The following DCLRE1A variants were observed in gnomAD, a reference collection of about 807,000 sequenced individuals.
DCLRE1A encodes DNA cross-link repair 1A protein.
DCLRE1A carries 64 observed loss-of-function variants against 91.9 expected under a neutral mutation model. That is an observed-to-expected ratio of 0.70 (90% CI 0.57 to 0.86). DCLRE1A has a LOEUF of 0.86. Among genes scored for constraint, DCLRE1A ranks in the 40% least tolerant of loss-of-function variants. The pLI is 0.00. For synonymous variants in DCLRE1A, 416 were observed against 431.1 expected (o/e 0.96, Z 0.43); for missense variants, 1,145 against 1,213.3 (o/e 0.94, Z 0.84).
In DCLRE1A at chr10:113,835,170, T is replaced by C. The variant is rs1845343194; in HGVS notation, c.3105A>G (p.Lys1035=). ...STMEKYFREW[K]LEAGY Reference sequence around the variant, plus strand: ...GGTATCATCAATATCCAGCTTCCAATTTCCACTCTCTAAAATATTTCTCCA... The same window carrying C: ...GGTATCATCAATATCCAGCTTCCAACTTCCACTCTCTAAAATATTTCTCCA... Residue 1035 remains lysine (K), a synonymous_variant, in exon 9 of 9, where the codon AAA becomes AAG. Coordinates refer to ENST00000361384, the MANE Select transcript of DCLRE1A (RefSeq NM_014881.5). 1 of 1,613,740 alleles carries C rather than the reference T, an allele frequency of 6.2e-7. No individual in the cohort carries two copies.
Position 113,844,201 on chromosome 10 carries a change from T to C in DCLRE1A, c.2422A>G (p.Thr808Ala), listed in dbSNP as rs2134657515. 6.2e-7 allele frequency: 1 copy of C among 1,614,136 alleles called. No homozygotes were observed. Among genetic ancestry groups the C allele is most frequent in the East Asian group, 2.2e-5 (1 of 44,874 alleles). The change falls in exon 5 of 9, where the codon ACT (threonine) becomes GCT (alanine). Residue 808 changes from threonine to alanine, a missense_variant. Thr to Ala is a moderately conservative substitution (Grantham distance 58, BLOSUM62 0). Transcript: ENST00000361384. ...AAGTCTCCCGTGTGTAATATGACAG[T>C]ACCATTAGGAAGATAAAAGAGGATC... ...VMILFYLPNG[T>A]VILHTGDFRA...
intron 6 of DCLRE1A, 143 bp downstream of exon 6, chr10:113,842,200 A>T: frequency 1.5e-6 from 1 of 674,588 alleles, no homozygotes; most frequent in East Asian, 3.0e-5. Flanking sequence ...AAACTGTCAA[A>T]TTTTCCTTCA....
chr10:113,849,584 T>C lies in DCLRE1A; in HGVS notation c.1521A>G (p.Arg507=). 1 of 1,614,032 alleles carries C rather than the reference T, an allele frequency of 6.2e-7. No individual in the cohort carries two copies. The change falls in exon 2 of 9, where the codon AGA becomes AGG. Residue 507 remains arginine, a synonymous_variant. Coordinates refer to ENST00000361384, the MANE Select transcript of DCLRE1A (RefSeq NM_014881.5). ...KNNTNSACFC[R]KALEGVPVGK... ...CAACTGGCACACCCTCTAATGCCTTTCTGCAGAAACATGCTGAGTTAGTAT... is the reference window on the plus strand; with the variant it reads ...CAACTGGCACACCCTCTAATGCCTTCCTGCAGAAACATGCTGAGTTAGTAT...
intron 7 of DCLRE1A, 75 bp downstream of exon 7, chr10:113,841,331 T>C: frequency 2.0e-6 from 3 of 1,527,976 alleles, no homozygotes; most frequent in Non-Finnish European, 2.7e-6. Flanking sequence ...TGAATTCCTC[T>C]AAGTTAAATG....
Position 113,850,287 on chromosome 10 carries a change from A to C in DCLRE1A, c.818T>G (p.Val273Gly). 1 of 1,614,014 alleles carries C rather than the reference A, an allele frequency of 6.2e-7. No individual in the cohort carries two copies. The highest frequency in any genetic ancestry group is 8.5e-7 in the Non-Finnish European group (1 of 1,180,004). Residue 273 changes from valine (V) to glycine (G), a missense_variant, in exon 2 of 9, where the codon GTT becomes GGT. Transcript: ENST00000361384. Reference protein sequence around the residue: ...DFVENDKLVGVALRLANNSEH... With the variant: ...DFVENDKLVGGALRLANNSEH... Reference sequence around the variant, plus strand: ...TGAGTTGTTTGCAAGACGCAAAGCAACTCCCACTAGTTTGTCATTCTCAAC... The same window carrying C: ...TGAGTTGTTTGCAAGACGCAAAGCACCTCCCACTAGTTTGTCATTCTCAAC...
rs1845495027 is a variant in DCLRE1A, at chr10:113,844,257, G to A, written c.2379-13C>T. 6.2e-7 allele frequency: 1 copy of A among 1,613,218 alleles called. No individual in the cohort carries two copies. Among genetic ancestry groups the A allele is most frequent in the South Asian group, 1.1e-5 (1 of 90,922 alleles). ...AGCACCTGGACAGCTGAACACAAAT[G>A]TCAAAGGAATGTTCATAACACAGGC... On this transcript the variant is annotated splice_polypyrimidine_tract_variant and intron_variant, in intron 4 of 8. Transcript: ENST00000361384.
chr10:113,852,805 C>T lies in DCLRE1A; in HGVS notation c.378G>A (p.Gln126=). ...PVYDGYCPNC[Q]MPFSSLIGQT... is the part of the protein sequence containing the mutation. ...GCCCTATCAATGAGGAAAAAGGCATCTGGCAATTTGGACAGTATCCATCAT... is the reference window on the plus strand; with the variant it reads ...GCCCTATCAATGAGGAAAAAGGCATTTGGCAATTTGGACAGTATCCATCAT... Residue 126 remains glutamine (Q), a synonymous_variant, in exon 1 of 9, where the codon CAG becomes CAA. Transcript: ENST00000361384. 1.2e-6 allele frequency: 2 copies of T among 1,614,200 alleles called. No individual in the cohort carries two copies. The highest frequency in any genetic ancestry group is 1.7e-6 in the Non-Finnish European group (2 of 1,180,036).
rs1328277729 is a variant in DCLRE1A at position 113,850,114 on chromosome 10, C to G, written c.991G>C (p.Asp331His). ...TCATCATCTTCTTCGAGGCTGCCAT[C>G]TTTTGAGCTTTCGGTAAAAAACAGT... The part of the protein sequence containing the change: ...EQLFFTESSK[D>H]GSLEEDDDSC... The change falls in exon 2 of 9, where the codon GAT (aspartate) becomes CAT (histidine). Residue 331 changes from aspartate (D) to histidine (H), a missense_variant. Asp to His is a moderately conservative substitution (Grantham distance 81, BLOSUM62 -1). Transcript: ENST00000361384. 7 of 1,613,920 alleles carry G rather than the reference C, an allele frequency of 4.3e-6. No homozygotes were observed. The highest frequency in any genetic ancestry group is 5.9e-6 in the Non-Finnish European group (7 of 1,180,002).
chr10:113,841,562 T>C lies in DCLRE1A; in HGVS notation c.2666-2A>G. Reference sequence around the variant, plus strand: ...TTGAACCTAAAACATCAGCAATGGCTATGGGCAAAAGAAAAGATTAAAAAT... The same window carrying C: ...TTGAACCTAAAACATCAGCAATGGCCATGGGCAAAAGAAAAGATTAAAAAT... On this transcript the variant is annotated splice_acceptor_variant, in intron 6 of 8. Transcript: ENST00000361384. LOFTEE classifies it high-confidence loss of function. The C allele has an allele frequency of 6.3e-7, 1 of 1,596,814 alleles. No homozygotes were observed. The highest frequency in any genetic ancestry group is 1.2e-5 in the South Asian group (1 of 86,534).
chr10:113,852,770 C>A lies in DCLRE1A; in HGVS notation c.413G>T (p.Arg138Leu), dbSNP rs201913432. Residue 138 changes from arginine to leucine, a missense_variant, in exon 1 of 9, where the codon CGA becomes CTA. By Grantham distance (102) the Arg-to-Leu change is moderately radical. Coordinates refer to ENST00000361384, the MANE Select transcript of DCLRE1A (RefSeq NM_014881.5). ...PFSSLIGQTP[R>L]WHVFECLDSP... ...ATCCAAACATTCAAAAACATGCCATCGAGGTGTCTGCCCTATCAATGAGGA... is the reference window on the plus strand; with the variant it reads ...ATCCAAACATTCAAAAACATGCCATAGAGGTGTCTGCCCTATCAATGAGGA... 169 of 1,614,056 alleles carry A rather than the reference C, an allele frequency of 1.0e-4. No individual in the cohort carries two copies. Among genetic ancestry groups the A allele is most frequent in the Non-Finnish European group, 1.3e-4 (155 of 1,180,040 alleles).
chr10:113,843,023 TACACACAC>T (rs10527278), intron 5 of DCLRE1A, among the ~76,000 whole-genome samples: 18,220 of 145,778 alleles, frequency 0.12, 1,149 homozygotes, highest in African/African-American at 0.16. Context: ...TGTACATGTG[TACACACAC>T]ACACACACAC....
intron 7 of DCLRE1A, among the ~76,000 whole-genome samples, chr10:113,838,657 G>A (rs944061641): frequency 6.6e-6 from 1 of 152,112 alleles, no homozygotes; most frequent in African/African-American, 2.4e-5. Context: ...GTCTCTCTCC[G>A]TTTATTGGTA....
Position 113,845,770 on chromosome 10 carries a change from C to A in DCLRE1A, c.2293G>T (p.Val765Leu). The change falls in exon 4 of 9, where the codon GTG becomes TTG. Residue 765 changes from valine (V) to leucine (L), a missense_variant. By Grantham distance (32) the Val-to-Leu change is conservative. Transcript: ENST00000361384. ...AATGGGTGAATATATTGTTCTTGCA[C>A]ATGAAGCTTGTTCTTCAACAAATTG... ...TGNLLKNKLH[V>L]QEQYIHPLPL... is the part of the protein sequence containing the mutation. 2 of 1,614,148 alleles carry A rather than the reference C, an allele frequency of 1.2e-6. No homozygotes were observed. The highest frequency in any genetic ancestry group is 1.7e-6 in the Non-Finnish European group (2 of 1,180,014).
In DCLRE1A at chr10:113,853,025, C is replaced by G; in HGVS notation, c.158G>C (p.Arg53Thr). 1 of 1,613,894 alleles carries G rather than the reference C, an allele frequency of 6.2e-7. No homozygotes were observed. The highest frequency in any genetic ancestry group is 8.5e-7 in the Non-Finnish European group (1 of 1,179,994). ...YQSKRSRNRK[R>T]AAEAKEVKDH... ...CTTCACCTCTTTAGCTTCTGCGGCT[C>G]TTTTTCTGTTTCTACTCCGTTTTGA... The change falls in exon 1 of 9, where the codon AGA (arginine) becomes ACA (threonine). Residue 53 changes from arginine (R) to threonine (T), a missense_variant. Physicochemically the swap from Arg to Thr is moderately conservative, Grantham distance 71 (BLOSUM62 -1). Transcript: ENST00000361384.
chr10:113,842,046 T>G (rs1350512593), intron 6 of DCLRE1A, among the ~76,000 whole-genome samples: 1 of 152,206 alleles, frequency 6.6e-6, no homozygotes. Flanking sequence ...AATACAACTA[T>G]GCATTAATCA....
rs1254307142 is a variant in DCLRE1A, at chr10:113,842,444, A to G, written c.2564T>C (p.Ile855Thr). ...EYTFPSQQEV[I>T]RFAINTAFEA... is the part of the protein sequence containing the mutation. ...AAAGGCAGTGTTGATGGCAAACCGG[A>G]TAACCTCTTGCTGAGATGGAAAGGT... is the stretch of plus-strand genomic sequence containing the variant. Residue 855 changes from isoleucine (I) to threonine (T), a missense_variant, in exon 6 of 9, where the codon ATC becomes ACC. Ile to Thr is a moderately conservative substitution (Grantham distance 89). Transcript: ENST00000361384. 3.7e-6 allele frequency: 6 copies of G among 1,613,848 alleles called. No homozygotes were observed. Among genetic ancestry groups the G allele is most frequent in the Admixed American group, 1.7e-5 (1 of 60,004 alleles).
chr10:113,839,686 C>G (rs193269670), intron 7 of DCLRE1A, among the ~76,000 whole-genome samples: 1 of 152,106 alleles, frequency 6.6e-6, no homozygotes, highest in African/African-American at 2.4e-5. Context: ...TCACTTTCTG[C>G]GAGCTTACAG....
rs750513410 is a variant in DCLRE1A, at chr10:113,849,767, T to G, written c.1338A>C (p.Val446=). The part of the protein sequence containing the change: ...HSAQSNKQKQ[V]IEESSVYNQV... Reference sequence around the variant, plus strand: ...GATTGTAAACAGATGATTCTTCAATTACCTGTTTCTGTTTATTTGATTGAG... The same window carrying G: ...GATTGTAAACAGATGATTCTTCAATGACCTGTTTCTGTTTATTTGATTGAG... The change falls in exon 2 of 9, where the codon GTA becomes GTC. Residue 446 remains valine, a synonymous_variant. Coordinates refer to ENST00000361384, the MANE Select transcript of DCLRE1A (RefSeq NM_014881.5). The G allele has an allele frequency of 6.2e-6, 10 of 1,614,092 alleles. No individual in the cohort carries two copies. The highest frequency in any genetic ancestry group is 8.5e-6 in the Non-Finnish European group (10 of 1,180,048).
In DCLRE1A at chr10:113,845,696, A is replaced by G; in HGVS notation, c.2367T>C (p.Leu789=). 6.2e-7 allele frequency: 1 copy of G among 1,614,024 alleles called. No homozygotes were observed. The highest frequency in any genetic ancestry group is 8.5e-7 in the Non-Finnish European group (1 of 1,179,890). Residue 789 remains leucine, a synonymous_variant, in exon 4 of 9, where the codon CTT becomes CTC. Transcript: ENST00000361384. The part of the protein sequence containing the change: ...CIVNGVKVVL[L]DANHCPGAVM... ...ACTTTAATACTTACTGATTGGCATCAAGCAAAACAACTTTGACACCATTCA... is the reference window on the plus strand; with the variant it reads ...ACTTTAATACTTACTGATTGGCATCGAGCAAAACAACTTTGACACCATTCA...
Sources: allele counts gnomAD v4.1 joint callset (sites outside exome capture counted in the v4.1 genomes callset), GRCh38; gene constraint gnomAD v4.1.1; transcripts MANE v1.5; gene names NCBI Gene and HGNC (gene_info 2026-07-23, HGNC 2026-07-21).